Variants in DNMT1 observed in about 807,000 individuals in gnomAD.
The protein encoded by DNMT1 is DNA methyltransferase 1.
Under a neutral mutation model 205.3 loss-of-function variants are expected in DNMT1, and 24 were observed. The observed-to-expected ratio is 0.12, with a 90% CI of 0.08 to 0.16. The LOEUF is 0.16. DNMT1 is among the 10% of genes least tolerant of loss of function. The pLI is 1.00. For synonymous variants in DNMT1, 817 were observed against 839.8 expected, an observed-to-expected ratio of 0.97 and a Z score of 0.47; for missense variants, 1,293 against 2,177.7, an observed-to-expected ratio of 0.59 and a Z score of 8.09.
chr19:10,134,826 C>A (rs569314438), intron 39 of DNMT1, among the ~76,000 whole-genome samples: 1 of 150,014 alleles, frequency 6.7e-6, no homozygotes, highest in South Asian at 2.1e-4. Context: ...TCACTGCACT[C>A]CAGCCTAGGG....
intron 7 of DNMT1, 92 bp downstream of exon 7, chr19:10,175,448 T>C (rs375348475): frequency 2.7e-6 from 4 of 1,496,698 alleles, no homozygotes; most frequent in Non-Finnish European, 9.3e-7. Context: ...CTAGACAGGG[T>C]TTTTATTTAC....
chr19:10,177,305 G>C lies in DNMT1; in HGVS notation c.556C>G (p.His186Asp). Reference protein sequence around the residue: ...KSTRQTTITSHFAKGPAKRKP... With the variant: ...KSTRQTTITSDFAKGPAKRKP... Reference sequence around the variant, plus strand: ...TCGTATACTGACCCCTTTGCAAAATGAGATGTGATGGTGGTTTGCCTGGTG... The same window carrying C: ...TCGTATACTGACCCCTTTGCAAAATCAGATGTGATGGTGGTTTGCCTGGTG... Residue 186 changes from histidine (H) to aspartate (D), a missense_variant, in exon 6 of 41, where the codon CAT becomes GAT. Around this residue, in one of 13 missense-constraint regions of DNMT1, gnomAD observed 394 missense variants for 451.6 expected, o/e 0.87. Transcript: ENST00000359526. 1 of 1,613,954 alleles carries C rather than the reference G, an allele frequency of 6.2e-7. No individual in the cohort carries two copies. The highest frequency in any genetic ancestry group is 2.2e-5 in the East Asian group (1 of 44,874).
chr19:10,143,081 A>T (rs1035425293), intron 29 of DNMT1, among the ~76,000 whole-genome samples: 1 of 152,268 alleles, frequency 6.6e-6, no homozygotes, highest in Non-Finnish European at 1.5e-5. Context: ...AAGAAAACGT[A>T]ATAGGCCAAA....
At chr19:10,134,100 C>T (rs1168685198) in intron 40 of DNMT1, 117 bp downstream of exon 40, 3 of 1,036,836 alleles carry the variant, frequency 2.9e-6, no homozygotes, top group Non-Finnish European at 3.0e-6. Flanking sequence ...GGGCCACGAA[C>T]GTGGGTAGGT....
chr19:10,162,620 G>GAAAAAAAA (rs573823039), intron 13 of DNMT1, 47 bp downstream of exon 13: 56 of 1,316,524 alleles, frequency 4.3e-5, no homozygotes, highest in Middle Eastern at 2.1e-4. Flanking sequence ...CCGTCTTGGG[G>GAAAAAAAA]AAAAAAAAAA....
chr19:10,164,167 G>A (rs977191361), intron 11 of DNMT1, among the ~76,000 whole-genome samples: 1 of 152,156 alleles, frequency 6.6e-6, no homozygotes, highest in Non-Finnish European at 1.5e-5. Flanking sequence ...GAGAGAGAGA[G>A]AGAGATTGAT....
intron 29 of DNMT1, among the ~76,000 whole-genome samples, chr19:10,142,630 T>C (rs550259283): frequency 7.2e-6 from 1 of 139,476 alleles, no homozygotes; most frequent in Non-Finnish European, 1.5e-5. Flanking sequence ...CCCGACCCAG[T>C]TGGGAACCGC....
intron 5 of DNMT1, among the ~76,000 whole-genome samples, chr19:10,178,176 G>T (rs1322896131): frequency 6.6e-6 from 1 of 151,254 alleles, no homozygotes; most frequent in Non-Finnish European, 1.5e-5. Flanking sequence ...AAAATCACTT[G>T]AACCCAGGAG....
chr19:10,162,610 C>T, intron 13 of DNMT1, 57 bp downstream of exon 13: 5 of 1,540,504 alleles, frequency 3.2e-6, no homozygotes, highest in Non-Finnish European at 3.5e-6. Flanking sequence ...TGGCGAAACC[C>T]CGTCTTGGGG....
Position 10,137,527 on chromosome 19 carries a change from G to T in DNMT1, c.4294-247C>A. ...GGGTGGGGGAAGGGGAGTGGTGCCA[G>T]GGGATGGTGAAAGGGCTGGTCTTGG... On this transcript the variant is annotated intron_variant, in intron 36 of 40. Transcript: ENST00000359526. The surrounding 1 kb of genome is among the most constrained non-coding windows in gnomAD (Gnocchi z 6.4). 3 of 636,640 alleles carry T rather than the reference G, an allele frequency of 4.7e-6. No homozygotes were observed. Among genetic ancestry groups the T allele is most frequent in the Non-Finnish European group, 2.7e-6 (1 of 366,748 alleles). The allele number at this position is 636,640 out of a possible 1,614,324, so 39.4% of individuals were successfully genotyped here.
intron 9 of DNMT1, among the ~76,000 whole-genome samples, chr19:10,171,242 G>A (rs2038809504): frequency 6.6e-6 from 1 of 152,134 alleles, no homozygotes; most frequent in Non-Finnish European, 1.5e-5. Context: ...ACTTCAGAGA[G>A]GAGAATACAA....
intron 11 of DNMT1, among the ~76,000 whole-genome samples, chr19:10,163,933 A>T (rs2038632878): frequency 6.6e-6 from 1 of 152,010 alleles, no homozygotes; most frequent in Non-Finnish European, 1.5e-5. Flanking sequence ...GGGGCCCTGC[A>T]CCGGGGCCAA....
intron 1 of DNMT1, 34 bp downstream of exon 1, chr19:10,194,786 C>T: frequency 6.3e-7 from 1 of 1,599,886 alleles, no homozygotes; most frequent in Non-Finnish European, 8.5e-7. Flanking sequence ...CCTGCCTGTC[C>T]CCCTGAGTCC....
chr19:10,135,638 C>A, intron 39 of DNMT1, 98 bp downstream of exon 39: 1 of 1,292,986 alleles, frequency 7.7e-7, no homozygotes, highest in South Asian at 1.3e-5. Context: ...AGCCAGCAGG[C>A]GTCCTCCCGG....
At chr19:10,182,491 A>G (rs540801315) in intron 1 of DNMT1, among the ~76,000 whole-genome samples, 2 of 136,078 alleles carry the variant, frequency 1.5e-5, no homozygotes, top group East Asian at 2.1e-4. Flanking sequence ...ATATATGTGT[A>G]TATATATGTG....
intron 1 of DNMT1, among the ~76,000 whole-genome samples, chr19:10,182,558 T>TAC (rs1380642167): frequency 1.3e-5 from 2 of 149,388 alleles, no homozygotes; most frequent in East Asian, 3.9e-4. Flanking sequence ...TGTATATATA[T>TAC]ATACACACAC....
intron 1 of DNMT1, among the ~76,000 whole-genome samples, chr19:10,191,199 T>C (rs1488841316): frequency 6.6e-6 from 1 of 151,312 alleles, no homozygotes; most frequent in Non-Finnish European, 1.5e-5. Flanking sequence ...GAGAATTGCT[T>C]AAACCCGGGA....
Position 10,146,319 on chromosome 19 carries a change from C to T in DNMT1, c.2894+32G>A. ...GCCAGCCTGGCTCAGCCTGGAGCGC[C>T]CTGGCCCCGGCTGCTCCGAGGGGGC... On this transcript the variant is annotated intron_variant, in intron 28 of 40. Transcript: ENST00000359526. The surrounding 1 kb of genome is among the most constrained non-coding windows in gnomAD (Gnocchi z 4.4). The T allele has an allele frequency of 1.2e-6, 2 of 1,612,298 alleles. No homozygotes were observed. The highest frequency in any genetic ancestry group is 1.1e-5 in the South Asian group (1 of 90,964).
chr19:10,156,217 A>AT lies in DNMT1; in HGVS notation c.1399+173dup, dbSNP rs566279258. Among the ~76,000 whole-genome samples, 350 of 150,016 alleles carry AT rather than the reference A, an allele frequency of 2.3e-3. 1 individual carries two copies. Among genetic ancestry groups the AT allele is most frequent in the African/African-American group, 7.2e-3 (294 of 40,992 alleles). ...TGTATACTATATATATATGCTATAT[A>AT]TTTTTTTTTAATAGAGGCAGGCTCT... On this transcript the variant is annotated intron_variant, in intron 18 of 40. Transcript: ENST00000359526. The surrounding 1 kb of genome is among the most constrained non-coding windows in gnomAD (Gnocchi z 4.2).
Sources: gnomAD v4.1 joint callset for allele counts (sites outside exome capture counted in the v4.1 genomes callset) on GRCh38, gnomAD v4.1.1 for gene constraint, gnomAD v4.1.1 regional missense constraint, Gnocchi (gnomAD v3.1) non-coding constraint, MANE v1.5 for transcripts, NCBI Gene and HGNC (gene_info 2026-07-23, HGNC 2026-07-21) for gene names.